Variants in UBE3A observed in about 807,000 individuals in gnomAD.
The protein encoded by UBE3A is ubiquitin-protein ligase E3A.
A neutral mutation model predicts 83.4 loss-of-function variants in UBE3A; 6 were observed. That is an observed-to-expected ratio of 0.07 (90% CI 0.04 to 0.14). The LOEUF (loss-of-function observed/expected upper bound fraction) is 0.14, where lower values mean the gene tolerates loss of function less well. UBE3A is among the 10% of genes least tolerant of loss of function. The pLI is 1.00. For missense variants in UBE3A, 456 were observed against 1,036.1 expected (o/e 0.44, Z 7.69); for synonymous variants, 337 against 355.4 (o/e 0.95, Z 0.58).
chr15:25,376,809 A>T (rs777655947), intron 4 of UBE3A, among the ~76,000 whole-genome samples: 1 of 152,218 alleles, frequency 6.6e-6, no homozygotes, highest in Non-Finnish European at 1.5e-5. Flanking sequence ...TACTCTGTCA[A>T]CTTAAAGTAC....
chr15:25,420,230 G>C (rs764182001), intron 1 of UBE3A, among the ~76,000 whole-genome samples: 1 of 152,104 alleles, frequency 6.6e-6, no homozygotes, highest in Non-Finnish European at 1.5e-5. Flanking sequence ...GTAGACTTTA[G>C]ATAAGGAACA....
At chr15:25,413,603 T>G (rs1253861879) in intron 1 of UBE3A, among the ~76,000 whole-genome samples, 1 of 152,176 alleles carries the variant, frequency 6.6e-6, no homozygotes, top group Non-Finnish European at 1.5e-5. Context: ...TAAATACTGC[T>G]TTCAAATAAT....
At position 25,339,128 on chromosome 15, in the gene UBE3A, TG is replaced by T; in HGVS notation, c.*8del. On this transcript the variant is annotated 3_prime_UTR_variant, in exon 13 of 13. Coordinates refer to ENST00000648336, the MANE Select transcript of UBE3A (RefSeq NM_130839.5). ...TCCTTTTTTTTGTTTTATTTTGTTT[TG>T]TTTTGTTTTACAGCATGCCAAATCC... 1 of 1,533,540 alleles carries T rather than the reference TG, an allele frequency of 6.5e-7. No individual in the cohort carries two copies. Among genetic ancestry groups the T allele is most frequent in the Non-Finnish European group, 8.7e-7 (1 of 1,144,616 alleles). 95.0% of individuals were successfully genotyped at this position (1,533,540 alleles called of 1,614,324 possible).
intron 1 of UBE3A, among the ~76,000 whole-genome samples, chr15:25,421,335 CT>C (rs1165898653): frequency 6.6e-6 from 1 of 152,200 alleles, no homozygotes; most frequent in Non-Finnish European, 1.5e-5. Context: ...CTTGTACAGC[CT>C]GCAGCACCAG....
intron 4 of UBE3A, among the ~76,000 whole-genome samples, chr15:25,398,805 A>ATATATATATT (rs2086343722): frequency 1.3e-5 from 1 of 76,840 alleles, no homozygotes; most frequent in Non-Finnish European, 2.7e-5. Context: ...ATATATATAT[A>ATATATATATT]TATATATATA....
Position 25,339,089 on chromosome 15 carries a change from TC to T in UBE3A, c.*47del. 6.8e-7 allele frequency: 1 copy of T among 1,479,532 alleles called. No individual in the cohort carries two copies. The highest frequency in any genetic ancestry group is 8.9e-7 in the Non-Finnish European group (1 of 1,120,020). 91.7% of individuals were successfully genotyped at this position (1,479,532 alleles called of 1,614,324 possible). On this transcript the variant is annotated 3_prime_UTR_variant, in exon 13 of 13. Transcript: ENST00000648336. ...TATTTTTAAAATTTTTTAAATTTTT[TC>T]TTTTTTTTTCCTTCCTTTTTTTTGT...
chr15:25,390,031 A>G (rs2083980586), intron 4 of UBE3A, among the ~76,000 whole-genome samples: 1 of 152,246 alleles, frequency 6.6e-6, no homozygotes, highest in African/African-American at 2.4e-5. Flanking sequence ...ATGGCAATTC[A>G]GCATATGAAA....
rs781650519 is a variant in UBE3A at position 25,371,863 on chromosome 15, T to C, written c.362-51A>G. The C allele has an allele frequency of 1.5e-5, 23 of 1,553,342 alleles. No homozygotes were observed. The highest frequency in any genetic ancestry group is 2.0e-5 in the Non-Finnish European group (23 of 1,154,278). On this transcript the variant is annotated intron_variant, in intron 5 of 12. Coordinates refer to ENST00000648336, the MANE Select transcript of UBE3A (RefSeq NM_130839.5). The surrounding 1 kb of genome is among the most constrained non-coding windows in gnomAD (Gnocchi z 5.3). ...ACATTTATTTTCATAATATGTATGT[T>C]TACTCTGTTGCAAAAAGTTCTAAAA... is the stretch of plus-strand genomic sequence containing the variant.
intron 5 of UBE3A, chr15:25,373,976 C>T (rs1389475869): frequency 6.6e-6 from 1 of 152,094 alleles, no homozygotes; most frequent in Non-Finnish European, 1.5e-5. Context: ...CACTTAAAAA[C>T]CTCCTACGCA....
At chr15:25,357,871 GTCTT>G (rs1165506267) in intron 7 of UBE3A, among the ~76,000 whole-genome samples, 1 of 146,534 alleles carries the variant, frequency 6.8e-6, no homozygotes, top group Admixed American at 6.8e-5. Flanking sequence ...ATTTCACATG[GTCTT>G]CACTATGCAA....
Position 25,340,176 on chromosome 15 carries a change from A to G in UBE3A, c.2407T>C (p.Leu803=). The G allele has an allele frequency of 6.2e-7, 1 of 1,614,058 alleles. No homozygotes were observed. Among genetic ancestry groups the G allele is most frequent in the South Asian group, 1.1e-5 (1 of 91,080 alleles). Residue 803 remains leucine (L), a synonymous_variant, in exon 12 of 13, where the codon TTG becomes CTG. Transcript: ENST00000648336. The part of the protein sequence containing the change: ...SFTDEQKRLF[L]QFTTGTDRAP... ...CTGTCTGTGCCCGTTGTAAACTGCAAGAAGAGTCTTTTCTGTTCATCTGTA... is the reference window on the plus strand; with the variant it reads ...CTGTCTGTGCCCGTTGTAAACTGCAGGAAGAGTCTTTTCTGTTCATCTGTA...
intron 4 of UBE3A, among the ~76,000 whole-genome samples, chr15:25,394,517 G>A (rs1397588187): frequency 6.6e-6 from 1 of 152,114 alleles, no homozygotes; most frequent in African/African-American, 2.4e-5. Flanking sequence ...AATGCTTATA[G>A]ATGTGTAAGT....
chr15:25,426,756 A>AAC (rs1443608977), intron 1 of UBE3A, among the ~76,000 whole-genome samples: 1 of 152,216 alleles, frequency 6.6e-6, no homozygotes, highest in African/African-American at 2.4e-5. Context: ...ACTTAACACA[A>AAC]ACAGTAAACA....
intron 1 of UBE3A, among the ~76,000 whole-genome samples, chr15:25,430,759 T>C (rs919331694): frequency 6.6e-6 from 1 of 152,208 alleles, no homozygotes; most frequent in Non-Finnish European, 1.5e-5. Flanking sequence ...ACTGTTTTCT[T>C]ATAATCTTCA....
intron 4 of UBE3A, among the ~76,000 whole-genome samples, chr15:25,387,247 C>A (rs1051441965): frequency 3.3e-5 from 5 of 152,184 alleles, no homozygotes; most frequent in Non-Finnish European, 7.3e-5. Context: ...CTAGGCCGGG[C>A]GCTGTGGCTC....
At position 25,371,579 on chromosome 15, in the gene UBE3A, C is replaced by A; in HGVS notation, c.595G>T (p.Ala199Ser). Residue 199 changes from alanine to serine, a missense_variant, in exon 6 of 13, where the codon GCT becomes TCT. Ala to Ser is a moderately conservative substitution (Grantham distance 99, BLOSUM62 1). Around this residue, in one of 13 missense-constraint regions of UBE3A, gnomAD observed 42 missense variants for 41.8 expected, o/e 1.00. Transcript: ENST00000648336. The surrounding 1 kb of genome is among the most constrained non-coding windows in gnomAD (Gnocchi z 5.3). Reference protein sequence around the residue: ...EKEKAACSAAAMEEDSEASSS... With the variant: ...EKEKAACSAASMEEDSEASSS... ...GATGCTTCTGAGTCTTCTTCCATAGCAGCAGCAGAACATGCAGCTTTTTCC... is the reference window on the plus strand; with the variant it reads ...GATGCTTCTGAGTCTTCTTCCATAGAAGCAGCAGAACATGCAGCTTTTTCC... 6.2e-7 allele frequency: 1 copy of A among 1,614,168 alleles called. No individual in the cohort carries two copies. The highest frequency in any genetic ancestry group is 8.5e-7 in the Non-Finnish European group (1 of 1,180,020).
intron 1 of UBE3A, among the ~76,000 whole-genome samples, chr15:25,436,948 A>C: frequency 6.6e-6 from 1 of 152,206 alleles, no homozygotes; most frequent in East Asian, 1.9e-4. Flanking sequence ...TTGACACAGT[A>C]AGACTAGCAT....
At chr15:25,391,850 G>A (rs77218458) in intron 4 of UBE3A, 1 of 152,264 alleles carries the variant, frequency 6.6e-6, no homozygotes, top group African/African-American at 2.4e-5. Flanking sequence ...CATGCCTGTA[G>A]ACATGGGAAG....
chr15:25,340,005 T>C (rs1344721456), intron 12 of UBE3A, 80 bp downstream of exon 12: 1 of 1,563,108 alleles, frequency 6.4e-7, no homozygotes, highest in African/African-American at 1.4e-5. Context: ...GCTCAGAAAC[T>C]ATAAAGACAG....
Sources: gnomAD v4.1 joint callset for allele counts (sites outside exome capture counted in the v4.1 genomes callset) on GRCh38, gnomAD v4.1.1 for gene constraint, gnomAD v4.1.1 regional missense constraint, Gnocchi (gnomAD v3.1) non-coding constraint, MANE v1.5 for transcripts, NCBI Gene and HGNC (gene_info 2026-07-23, HGNC 2026-07-21) for gene names.